The following SERPINB6 variants were observed in gnomAD, a reference collection of about 807,000 sequenced individuals.
The protein encoded by SERPINB6 is serpin family B member 6.
SERPINB6 carries 16 observed loss-of-function variants against 26.1 expected under a neutral mutation model. The observed-to-expected ratio is 0.61, with a 90% confidence interval of 0.42 to 0.93. The LOEUF (loss-of-function observed/expected upper bound fraction) is 0.93. Among genes scored for constraint, SERPINB6 ranks in the 40% least tolerant of loss-of-function variants. The pLI, the probability that SERPINB6 is intolerant of heterozygous loss-of-function variation, is 0.00. For synonymous variants in SERPINB6, 174 were observed against 176.6 expected (o/e 0.99, Z 0.11); for missense variants, 420 against 478.0 (o/e 0.88, Z 1.13).
rs972025295 is a variant in SERPINB6, at chr6:2,968,459, A to G, written c.-11+3074T>C. 29 of 907,676 alleles carry G rather than the reference A, an allele frequency of 3.2e-5. No homozygotes were observed. In the African/African-American group the frequency reaches 1.1e-3, roughly 36 times the overall value. The allele number at this position is 907,676 out of a possible 1,614,324, so 56.2% of individuals were successfully genotyped here. A position where few individuals can be genotyped will look rare whatever the true frequency, so the allele number is the denominator to read the frequency against. ...ATCCTGAACCTAAATAGAGGTTTAA[A>G]AGGTTAAAAAAAAAAAGAAGAAATC... On this transcript the variant is annotated intron_variant, in intron 1 of 6. Transcript: ENST00000380539.
intron 1 of SERPINB6, chr6:2,960,787 C>T (rs1771016660): frequency 6.6e-6 from 1 of 152,320 alleles, no homozygotes; most frequent in South Asian, 2.1e-4. Context: ...CTGTGAATGC[C>T]CCTTACATGG....
At chr6:2,955,953 T>G in intron 2 of SERPINB6, 1 of 338,528 alleles carries the variant, frequency 3.0e-6, no homozygotes, top group East Asian at 6.5e-5. Context: ...GGTGCGTACC[T>G]GTAACCCAGC....
intron 3 of SERPINB6, 122 bp downstream of exon 3, chr6:2,955,402 G>T (rs988022068): frequency 5.9e-5 from 68 of 1,152,196 alleles, no homozygotes; most frequent in Non-Finnish European, 8.3e-5. Context: ...CAGGTGAAAA[G>T]AAATTACAAA....
intron 2 of SERPINB6, among the ~76,000 whole-genome samples, chr6:2,958,728 CACA>C (rs1167742563): frequency 6.6e-6 from 1 of 152,128 alleles, no homozygotes; most frequent in Non-Finnish European, 1.5e-5. Flanking sequence ...GAGCTGGTTA[CACA>C]ACAACAAATA....
Position 2,967,706 on chromosome 6 carries a change from C to T in SERPINB6, c.-11+3827G>A, listed in dbSNP as rs1352799845. Reference sequence around the variant, plus strand: ...CCATAAGAAAAAAGGCTCAGTATCACTGATCATTAGAGAAATGCAAATCAA... The same window carrying T: ...CCATAAGAAAAAAGGCTCAGTATCATTGATCATTAGAGAAATGCAAATCAA... On this transcript the variant is annotated intron_variant, in intron 1 of 6. Coordinates refer to ENST00000380539, the MANE Select transcript of SERPINB6 (RefSeq NM_004568.6). The surrounding 1 kb of genome is among the most constrained non-coding windows in gnomAD (Gnocchi z 4.3). The T allele has an allele frequency of 6.6e-6, 1 of 152,248 alleles. No individual in the cohort carries two copies. Among genetic ancestry groups the T allele is most frequent in the Non-Finnish European group, 1.5e-5 (1 of 68,054 alleles). 9.4% of individuals were successfully genotyped at this position (152,248 alleles called of 1,614,324 possible).
intron 3 of SERPINB6, 52 bp from the exon 4 acceptor site, chr6:2,954,761 A>G (rs911606248): frequency 8.4e-7 from 1 of 1,194,484 alleles, no homozygotes; most frequent in Middle Eastern, 1.9e-4. Flanking sequence ...GATGAACACC[A>G]ACGGCCTACT....
chr6:2,953,214 AG>A (rs764833022), intron 4 of SERPINB6, 28 bp from the exon 5 acceptor site: 3 of 1,613,842 alleles, frequency 1.9e-6, no homozygotes, highest in Non-Finnish European at 2.5e-6. Context: ...AGACCGCATT[AG>A]ATAGGGGCGG....
intron 4 of SERPINB6, among the ~76,000 whole-genome samples, chr6:2,954,324 G>A (rs751974000): frequency 1.2e-4 from 19 of 152,090 alleles, no homozygotes; most frequent in Non-Finnish European, 2.2e-4. Context: ...AAATTAAAAC[G>A]TGGATTGATC....
chr6:2,952,925 T>G, intron 5 of SERPINB6, 119 bp downstream of exon 5: 1 of 1,452,850 alleles, frequency 6.9e-7, no homozygotes, highest in Non-Finnish European at 9.5e-7. Context: ...GGCCACCCAA[T>G]GGATGTCAAG....
chr6:2,954,923 C>T (rs1475434899), intron 3 of SERPINB6: 5 of 543,566 alleles, frequency 9.2e-6, no homozygotes, highest in Non-Finnish European at 1.6e-5. Context: ...GGTACTGTGG[C>T]TTACACTTGT....
chr6:2,952,965 G>A (rs1466298735), intron 5 of SERPINB6, 79 bp downstream of exon 5: 4 of 1,598,290 alleles, frequency 2.5e-6, no homozygotes, highest in South Asian at 1.1e-5. Context: ...AAGGCCCCAC[G>A]GCTGCAGACG....
intron 1 of SERPINB6, chr6:2,970,269 G>C: frequency 1.1e-5 from 11 of 985,408 alleles, no homozygotes; most frequent in Non-Finnish European, 1.3e-5. Context: ...GTTTCATGCT[G>C]AATTGTAATA....
chr6:2,958,084 CAG>C (rs1210537118), intron 2 of SERPINB6: 1 of 152,212 alleles, frequency 6.6e-6, no homozygotes, highest in Non-Finnish European at 1.5e-5. Flanking sequence ...ACTGCATTTG[CAG>C]AGAGGGCCTT....
chr6:2,957,455 G>T (rs771111508), intron 2 of SERPINB6: 1 of 152,224 alleles, frequency 6.6e-6, no homozygotes, highest in Non-Finnish European at 1.5e-5. Flanking sequence ...TGGCCTCAGG[G>T]CAAAGATCAA....
intron 1 of SERPINB6, 92 bp from the exon 2 acceptor site, chr6:2,959,434 G>T: frequency 7.9e-7 from 1 of 1,263,826 alleles, no homozygotes; most frequent in Non-Finnish European, 1.1e-6. Context: ...CCGATGCTGT[G>T]GTTCAGTGGG....
intron 4 of SERPINB6, 30 bp downstream of exon 4, chr6:2,954,562 T>G (rs748047988): frequency 1.3e-6 from 2 of 1,521,256 alleles, no homozygotes; most frequent in Admixed American, 3.3e-5. Flanking sequence ...AAGAGGTTAT[T>G]ACAAAAGTAG....
rs544921521 is a variant in SERPINB6 at position 2,965,963 on chromosome 6, C to T, written c.-11+5570G>A. ...AGTTAGGGCAGCTTTGAGCTCCAAT[C>T]CTGCCTTCACTGAGATTTTATAAGG... is the stretch of plus-strand genomic sequence containing the variant. On this transcript the variant is annotated intron_variant, in intron 1 of 6. Coordinates refer to ENST00000380539, the MANE Select transcript of SERPINB6 (RefSeq NM_004568.6). 3.3e-3 allele frequency among the ~76,000 whole-genome samples: 504 copies of T among 152,330 alleles called. 5 individuals are homozygous for T. Among genetic ancestry groups the T allele is most frequent in the Non-Finnish European group, 5.9e-3 (401 of 68,032 alleles).
At chr6:2,965,808 T>C (rs1333745666) in intron 1 of SERPINB6, among the ~76,000 whole-genome samples, 1 of 152,232 alleles carries the variant, frequency 6.6e-6, no homozygotes, top group Non-Finnish European at 1.5e-5. Context: ...ATTAATCTTA[T>C]GGGGTTAAAT....
chr6:2,954,437 T>A (rs1460202991), intron 4 of SERPINB6, among the ~76,000 whole-genome samples, 155 bp downstream of exon 4: 1 of 152,176 alleles, frequency 6.6e-6, no homozygotes, highest in East Asian at 1.9e-4. Context: ...AAATGTCAAA[T>A]AATGGCAACT....
Sources: allele counts gnomAD v4.1 joint callset (sites outside exome capture counted in the v4.1 genomes callset), GRCh38; gene constraint gnomAD v4.1.1; non-coding constraint Gnocchi (gnomAD v3.1); transcripts MANE v1.5; gene names NCBI Gene and HGNC (gene_info 2026-07-23, HGNC 2026-07-21).